PRKN: variants seen among roughly 807,000 people sequenced by gnomAD.
PRKN encodes E3 ubiquitin-protein ligase parkin.
In PRKN, 56 loss-of-function variants were observed where a neutral mutation model predicts 59.5. The ratio of observed to expected loss-of-function variants is 0.94; its 90% CI spans 0.76 to 1.18. PRKN has a LOEUF of 1.18. Among genes scored for constraint, PRKN ranks in the 50% most tolerant of loss-of-function variants. The pLI, the probability that PRKN is intolerant of heterozygous loss-of-function variation, is 0.00. For missense variants in PRKN, 657 were observed against 596.4 expected (o/e 1.10, Z -1.06); for synonymous variants, 250 against 222.1 (o/e 1.13, Z -1.12).
chr6:161,834,578 G>A (rs9458394), intron 6 of PRKN, among the ~76,000 whole-genome samples: 4,219 of 152,280 alleles, frequency 0.028, 211 homozygotes, highest in African/African-American at 0.097. Flanking sequence ...TCTACCTGGG[G>A]AACACGCTCA....
chr6:161,732,840 A>G (rs1340434290), intron 7 of PRKN, among the ~76,000 whole-genome samples: 1 of 152,142 alleles, frequency 6.6e-6, no homozygotes, highest in Non-Finnish European at 1.5e-5. Flanking sequence ...TCTCATGCAA[A>G]CAATGTCTGG....
chr6:162,451,843 T>G (rs2128171244), intron 1 of PRKN, among the ~76,000 whole-genome samples: 1 of 152,292 alleles, frequency 6.6e-6, no homozygotes, highest in Non-Finnish European at 1.5e-5. Flanking sequence ...CCTCAAATTT[T>G]AATATGTGAT....
chr6:162,479,194 T>C (rs1396556407), intron 1 of PRKN, among the ~76,000 whole-genome samples: 3 of 151,986 alleles, frequency 2.0e-5, no homozygotes, highest in African/African-American at 7.2e-5. Context: ...TATATGCTGT[T>C]TTCCACCTTA....
intron 7 of PRKN, among the ~76,000 whole-genome samples, chr6:161,679,696 T>A (rs1582992971): frequency 7.6e-6 from 1 of 131,476 alleles, no homozygotes; most frequent in African/African-American, 2.8e-5. Context: ...TTTTTTTTTT[T>A]AAGAAACAGG....
chr6:161,924,274 C>T (rs529906025), intron 6 of PRKN, among the ~76,000 whole-genome samples: 1 of 152,282 alleles, frequency 6.6e-6, no homozygotes, highest in Middle Eastern at 3.4e-3. Flanking sequence ...TTTAACCTCA[C>T]ACACTCCAGG....
intron 1 of PRKN, chr6:162,694,985 A>T (rs1777916490): frequency 6.6e-6 from 1 of 152,210 alleles, no homozygotes; most frequent in Non-Finnish European, 1.5e-5. Context: ...TCATCTCTAA[A>T]GCTTTGAAGT....
chr6:161,981,815 C>T (rs997528154), intron 5 of PRKN, among the ~76,000 whole-genome samples: 12 of 152,124 alleles, frequency 7.9e-5, no homozygotes, highest in Admixed American at 7.2e-4. Context: ...TTAAGTTACA[C>T]CTAGTCAAAC....
intron 9 of PRKN, among the ~76,000 whole-genome samples, chr6:161,500,864 G>GTTTTTTTTTTTTTTTTTTTT (rs373088841): frequency 7.5e-6 from 1 of 132,542 alleles, no homozygotes; most frequent in African/African-American, 2.9e-5. Context: ...GTTTAGTTTA[G>GTTTTTTTTTTTTTTTTTTTT]TTTTTTTTTT....
intron 2 of PRKN, among the ~76,000 whole-genome samples, chr6:162,413,702 C>T (rs1420968435): frequency 6.6e-6 from 1 of 152,188 alleles, no homozygotes; most frequent in Non-Finnish European, 1.5e-5. Context: ...TTAAAAGTTT[C>T]AACATTTCCA....
chr6:161,763,463 T>G (rs917663617), intron 7 of PRKN, among the ~76,000 whole-genome samples: 1 of 151,912 alleles, frequency 6.6e-6, no homozygotes, highest in Non-Finnish European at 1.5e-5. Context: ...GTCAACCAGA[T>G]GAGCCTTAGT....
intron 2 of PRKN, chr6:162,265,218 G>A (rs570407043): frequency 6.6e-6 from 1 of 152,104 alleles, no homozygotes; most frequent in South Asian, 2.1e-4. Flanking sequence ...TATGATACAT[G>A]TGGCAGATTA....
At chr6:162,330,279 G>C (rs1230838093) in intron 2 of PRKN, among the ~76,000 whole-genome samples, 1 of 152,082 alleles carries the variant, frequency 6.6e-6, no homozygotes, top group Non-Finnish European at 1.5e-5. Context: ...GCTGTCTTGG[G>C]AAGCGGCATA....
At chr6:162,194,126 G>T (rs1173309986) in intron 4 of PRKN, among the ~76,000 whole-genome samples, 2 of 152,160 alleles carry the variant, frequency 1.3e-5, no homozygotes, top group Admixed American at 1.3e-4. Context: ...GAATTTTGAA[G>T]TTTAGGTTAT....
chr6:161,889,856 A>G (rs1795278972), intron 6 of PRKN, among the ~76,000 whole-genome samples: 1 of 152,218 alleles, frequency 6.6e-6, no homozygotes, highest in African/African-American at 2.4e-5. Flanking sequence ...ACAGCTTCCA[A>G]TTATCTGTAA....
chr6:161,648,775 G>A, intron 7 of PRKN, among the ~76,000 whole-genome samples: 1 of 152,156 alleles, frequency 6.6e-6, no homozygotes, highest in East Asian at 1.9e-4. Flanking sequence ...AAGCATTCAA[G>A]CCCAGTCTAG....
intron 5 of PRKN, among the ~76,000 whole-genome samples, chr6:161,998,076 T>C (rs1471771761): frequency 6.6e-6 from 1 of 152,130 alleles, no homozygotes; most frequent in African/African-American, 2.4e-5. Context: ...AAACATATAT[T>C]ATATGGTTAT....
intron 8 of PRKN, among the ~76,000 whole-genome samples, chr6:161,564,537 G>C (rs906305159): frequency 1.3e-5 from 2 of 152,132 alleles, no homozygotes; most frequent in Non-Finnish European, 2.9e-5. Flanking sequence ...TGTCCCTGAG[G>C]ACACTACTTC....
intron 4 of PRKN, among the ~76,000 whole-genome samples, chr6:162,141,874 A>G (rs1244521348): frequency 6.6e-6 from 1 of 152,186 alleles, no homozygotes; most frequent in Non-Finnish European, 1.5e-5. Flanking sequence ...AAGGAGAGTC[A>G]GTCTAACCAG....
intron 3 of PRKN, among the ~76,000 whole-genome samples, chr6:162,244,341 C>T (rs1229885705): frequency 6.6e-6 from 1 of 151,778 alleles, no homozygotes; most frequent in South Asian, 2.1e-4. Flanking sequence ...TGGAGATACA[C>T]AATATGCTCT....
Sources: gnomAD v4.1 joint callset for allele counts (sites outside exome capture counted in the v4.1 genomes callset) on GRCh38, gnomAD v4.1.1 for gene constraint, MANE v1.5 for transcripts, NCBI Gene and HGNC (gene_info 2026-07-23, HGNC 2026-07-21) for gene names.